ITGB4: variants seen among roughly 807,000 people sequenced by gnomAD.
The protein encoded by ITGB4 is integrin subunit beta 4, also known as integrin beta-4.
Under a neutral mutation model 207.6 loss-of-function variants are expected in ITGB4, and 159 were observed. The ratio of observed to expected loss-of-function variants is 0.77; its 90% CI spans 0.67 to 0.87. The LOEUF (loss-of-function observed/expected upper bound fraction) is 0.87. Among genes scored for constraint, ITGB4 ranks in the 40% least tolerant of loss-of-function variants. ITGB4 has a pLI of 0.00. For synonymous variants in ITGB4, 1,020 were observed against 1,062.7 expected (o/e 0.96, Z 0.78); for missense variants, 2,278 against 2,546.8 (o/e 0.89, Z 2.27).
At chr17:75,743,352 C>A (rs1378669673) in intron 25 of ITGB4, among the ~76,000 whole-genome samples, 1 of 152,208 alleles carries the variant, frequency 6.6e-6, no homozygotes, top group Non-Finnish European at 1.5e-5. Context: ...CCTGCCTCAG[C>A]CTCCCGAGTA....
rs376587489 is a variant in ITGB4, at chr17:75,729,573, A to G, written c.738+137A>G. ...AAGCCTGGGAGCCTGCAACCCCTTC[A>G]CCCTGAGACAAGCTCAGACTCTGTG... On this transcript the variant is annotated intron_variant, in intron 7 of 39. Coordinates refer to ENST00000200181, the MANE Select transcript of ITGB4 (RefSeq NM_000213.5). This position sits in a 1 kb window ranked among gnomAD's most constrained non-coding sequence, Gnocchi z 4.4. 57 of 858,954 alleles carry G rather than the reference A, an allele frequency of 6.6e-5. 1 individual carries two copies. In the African/African-American group the frequency reaches 8.5e-4, roughly 13 times the overall value. 53.2% of individuals were successfully genotyped at this position (858,954 alleles called of 1,614,324 possible).
At position 75,740,907 on chromosome 17, in the gene ITGB4, G is replaced by T; in HGVS notation, c.2609+56G>T. 3.1e-6 allele frequency: 5 copies of T among 1,613,460 alleles called. No individual in the cohort carries two copies. Among genetic ancestry groups the T allele is most frequent in the Non-Finnish European group, 4.2e-6 (5 of 1,179,728 alleles). On this transcript the variant is annotated intron_variant, in intron 22 of 39. Coordinates refer to ENST00000200181, the MANE Select transcript of ITGB4 (RefSeq NM_000213.5). The surrounding 1 kb of genome is among the most constrained non-coding windows in gnomAD (Gnocchi z 5.9). ...GGAGCCGCTCCTACCGGGACTCCAG[G>T]AGCCGAAGCCCCCAGGCCGATCAGG... is the stretch of plus-strand genomic sequence containing the variant.
At chr17:75,737,788 C>G (rs2061015028) in intron 18 of ITGB4, 144 bp downstream of exon 18, 1 of 729,476 alleles carries the variant, frequency 1.4e-6, no homozygotes, top group Non-Finnish European at 2.4e-6. Flanking sequence ...CCCCACCTCC[C>G]CAGGGTCCCC....
chr17:75,724,574 G>C, intron 1 of ITGB4, 120 bp from the exon 2 acceptor site: 1 of 821,612 alleles, frequency 1.2e-6, no homozygotes, highest in Non-Finnish European at 2.1e-6. Flanking sequence ...GCGGCTGGGC[G>C]CCCTTGGTCA....
rs2060804538 is a variant in ITGB4, at chr17:75,729,472, G to A, written c.738+36G>A. ...GGAAGGGTGCTGCCAGCCTAGGCCAGGGGTGAGCACTTCTGGGCAAGGGCC... is the reference window on the plus strand; with the variant it reads ...GGAAGGGTGCTGCCAGCCTAGGCCAAGGGTGAGCACTTCTGGGCAAGGGCC... On this transcript the variant is annotated intron_variant, in intron 7 of 39. Transcript: ENST00000200181. This position sits in a 1 kb window ranked among gnomAD's most constrained non-coding sequence, Gnocchi z 4.4. 2.5e-6 allele frequency: 4 copies of A among 1,606,576 alleles called. No homozygotes were observed. Among genetic ancestry groups the A allele is most frequent in the East Asian group, 2.2e-5 (1 of 44,668 alleles).
Position 75,740,958 on chromosome 17 carries a change from A to G in ITGB4, c.2610-24A>G. 2 of 1,613,976 alleles carry G rather than the reference A, an allele frequency of 1.2e-6. No individual in the cohort carries two copies. The highest frequency in any genetic ancestry group is 1.7e-6 in the Non-Finnish European group (2 of 1,179,976). Reference sequence around the variant, plus strand: ...CCTCCACTTCAGGGCTATCTAGCTCACAGCGCCCTCTTTGTCCCCACAGGC... The same window carrying G: ...CCTCCACTTCAGGGCTATCTAGCTCGCAGCGCCCTCTTTGTCCCCACAGGC... On this transcript the variant is annotated intron_variant, in intron 22 of 39. Coordinates refer to ENST00000200181, the MANE Select transcript of ITGB4 (RefSeq NM_000213.5). The surrounding 1 kb of genome is among the most constrained non-coding windows in gnomAD (Gnocchi z 5.9).
chr17:75,754,354 T>G, intron 33 of ITGB4: 7 of 608,074 alleles, frequency 1.2e-5, no homozygotes, highest in East Asian at 5.6e-5. Context: ...CTCACACCGA[T>G]AGAGTGGCCG....
chr17:75,756,323 T>C, intron 35 of ITGB4, 106 bp from the exon 36 acceptor site: 2 of 1,254,202 alleles, frequency 1.6e-6, no homozygotes, highest in Middle Eastern at 1.9e-4. Context: ...CAGCTAGTCC[T>C]GGGTGGGTGA....
In ITGB4 at chr17:75,757,318, C is replaced by G; in HGVS notation, c.5329+8C>G. ...CCGAGCCCTTCCTAGTGGGTGAGCA[C>G]TGAGGGCTAGGGGATCCCGGCTCTC... On this transcript the variant is annotated splice_region_variant and intron_variant, in intron 39 of 39. Coordinates refer to ENST00000200181, the MANE Select transcript of ITGB4 (RefSeq NM_000213.5). 6.2e-7 allele frequency: 1 copy of G among 1,612,610 alleles called. No individual in the cohort carries two copies. The highest frequency in any genetic ancestry group is 1.1e-5 in the South Asian group (1 of 91,080).
At position 75,727,458 on chromosome 17, in the gene ITGB4, C is replaced by T. The variant is rs1392939514; in HGVS notation, c.217C>T (p.Gln73Ter). ...TQAELLAAGC[Q>*]RESIVVMESS... ...GGCGGAGCTGCTGGCCGCGGGCTGC[C>T]AGCGGGAGAGCATCGTGGTCATGGA... The change falls in exon 4 of 40, where the codon CAG becomes TAG. Residue 73 changes from glutamine to a stop codon, truncating the protein, a stop_gained. Transcript: ENST00000200181. LOFTEE classifies it high-confidence loss of function. The surrounding 1 kb of genome is among the most constrained non-coding windows in gnomAD (Gnocchi z 6.0). The T allele has an allele frequency of 1.2e-6, 2 of 1,613,860 alleles. No homozygotes were observed. Among genetic ancestry groups the T allele is most frequent in the Non-Finnish European group, 8.5e-7 (1 of 1,180,026 alleles).
chr17:75,755,336 G>T, intron 34 of ITGB4: 1 of 1,042,944 alleles, frequency 9.6e-7, no homozygotes, highest in Non-Finnish European at 1.4e-6. Context: ...ACCCCCGCCT[G>T]CCCACAGGCG....
chr17:75,750,636 G>A lies in ITGB4; in HGVS notation c.3475-44G>A. The stretch of plus-strand genomic sequence containing the variant: ...CAGAGGAGGGACAGGCAGCTTGGGT[G>A]CCTGCTGCTCCCTGCTGACCAGGAC... On this transcript the variant is annotated intron_variant, in intron 28 of 39. Transcript: ENST00000200181. This position sits in a 1 kb window ranked among gnomAD's most constrained non-coding sequence, Gnocchi z 5.5. 1 of 1,575,144 alleles carries A rather than the reference G, an allele frequency of 6.3e-7. No individual in the cohort carries two copies. Among genetic ancestry groups the A allele is most frequent in the Non-Finnish European group, 8.7e-7 (1 of 1,148,318 alleles).
At chr17:75,753,741 A>G in intron 32 of ITGB4, 24 bp from the exon 33 acceptor site, 1 of 1,390,034 alleles carries the variant, frequency 7.2e-7, no homozygotes, top group Non-Finnish European at 9.4e-7. Flanking sequence ...GGCGGTGCCA[A>G]CGCGGCCCTT....
rs1568387890 is a variant in ITGB4, at chr17:75,756,777, G to A, written c.4971G>A (p.Leu1657=). The A allele has an allele frequency of 1.2e-6, 2 of 1,612,746 alleles. No homozygotes were observed. Among genetic ancestry groups the A allele is most frequent in the East Asian group, 4.5e-5 (2 of 44,898 alleles). The change falls in exon 37 of 40, where the codon CTG becomes CTA. Residue 1657 remains leucine (L), a synonymous_variant. Transcript: ENST00000200181. Reference sequence around the variant, plus strand: ...TCACTGCCCTGAGCCCAGACTCGCTGCAGCTGAGCTGGGAGCGGCCACGGA... The same window carrying A: ...TCACTGCCCTGAGCCCAGACTCGCTACAGCTGAGCTGGGAGCGGCCACGGA... ...LVFTALSPDS[L]QLSWERPRRP...
chr17:75,729,297 C>T lies in ITGB4; in HGVS notation c.599C>T (p.Pro200Leu), dbSNP rs148770294. Residue 200 changes from proline to leucine, a missense_variant, in exon 7 of 40, where the codon CCC (proline) becomes CTC (leucine). Coordinates refer to ENST00000200181, the MANE Select transcript of ITGB4 (RefSeq NM_000213.5). This position sits in a 1 kb window ranked among gnomAD's most constrained non-coding sequence, Gnocchi z 4.4. ...GAGCCCTGGCCCAACAGTGACCCCC[C>T]CTTCTCCTTCAAGAACGTCATCAGC... ...LKEPWPNSDP[P>L]FSFKNVISLT... 9.1e-4 allele frequency: 1,461 copies of T among 1,614,212 alleles called. 1 individual carries two copies. Among genetic ancestry groups the T allele is most frequent in the Non-Finnish European group, 9.9e-4 (1,165 of 1,180,032 alleles).
At position 75,757,525 on chromosome 17, in the gene ITGB4, C is replaced by G; in HGVS notation, c.5439C>G (p.Thr1813=). ...RTLTTSGTLS[T]HMDQQFFQT ...TGACCACCAGCGGAACCCTTAGCAC[C>G]CACATGGACCAACAGTTCTTCCAAA... The change falls in exon 40 of 40, where the codon ACC becomes ACG. Residue 1813 remains threonine, a synonymous_variant. Coordinates refer to ENST00000200181, the MANE Select transcript of ITGB4 (RefSeq NM_000213.5). The G allele has an allele frequency of 6.2e-7, 1 of 1,613,454 alleles. No homozygotes were observed. The highest frequency in any genetic ancestry group is 8.5e-7 in the Non-Finnish European group (1 of 1,179,998).
chr17:75,756,873 C>A lies in ITGB4; in HGVS notation c.5053+14C>A. Reference sequence around the variant, plus strand: ...CCCAAGGAGGAGGTGCTGCCCACCCCGGGGGCAGGAGTGGCCAGGGGAGGG... The same window carrying A: ...CCCAAGGAGGAGGTGCTGCCCACCCAGGGGGCAGGAGTGGCCAGGGGAGGG... On this transcript the variant is annotated intron_variant, in intron 37 of 39. Transcript: ENST00000200181. The A allele has an allele frequency of 6.2e-7, 1 of 1,612,284 alleles. No individual in the cohort carries two copies.
In ITGB4 at chr17:75,742,243, C is replaced by T. The variant is rs2061127132; in HGVS notation, c.2634-98C>T. The T allele has an allele frequency of 1.3e-6, 2 of 1,484,724 alleles. No individual in the cohort carries two copies. Among genetic ancestry groups the T allele is most frequent in the African/African-American group, 1.4e-5 (1 of 72,132 alleles). 92.0% of individuals were successfully genotyped at this position (1,484,724 alleles called of 1,614,324 possible). On this transcript the variant is annotated intron_variant, in intron 23 of 39. Coordinates refer to ENST00000200181, the MANE Select transcript of ITGB4 (RefSeq NM_000213.5). This position sits in a 1 kb window ranked among gnomAD's most constrained non-coding sequence, Gnocchi z 5.9. ...AGACCCTGCACTTCTTGCTGTCTTA[C>T]ATCCTGGCCCCTGAAGGGGAGAAGA...
rs531751537 is a variant in ITGB4, at chr17:75,742,204, C to T, written c.2634-137C>T. The T allele has an allele frequency of 1.1e-5, 12 of 1,134,810 alleles. No homozygotes were observed. The highest frequency in any genetic ancestry group is 8.1e-5 in the South Asian group (6 of 74,058). 70.3% of individuals were successfully genotyped at this position (1,134,810 alleles called of 1,614,324 possible). ...ATGGGGCTGGCATAGGCCTGGAGCA[C>T]TGCCTGCCTCTGAAGACCCTGCACT... On this transcript the variant is annotated intron_variant, in intron 23 of 39. Transcript: ENST00000200181. The surrounding 1 kb of genome is among the most constrained non-coding windows in gnomAD (Gnocchi z 5.9).
Sources: allele counts gnomAD v4.1 joint callset (sites outside exome capture counted in the v4.1 genomes callset), GRCh38; gene constraint gnomAD v4.1.1; non-coding constraint Gnocchi (gnomAD v3.1); transcripts MANE v1.5; gene names NCBI Gene and HGNC (gene_info 2026-07-23, HGNC 2026-07-21).